The following COL15A1 variants were observed in gnomAD, a reference collection of about 807,000 sequenced individuals.
The protein encoded by COL15A1 is collagen type XV alpha 1 chain.
A neutral mutation model predicts 165.9 loss-of-function variants in COL15A1; 111 were observed. The observed-to-expected ratio is 0.67, with a 90% confidence interval of 0.57 to 0.78. The LOEUF (loss-of-function observed/expected upper bound fraction) is 0.78. Among genes scored for constraint, COL15A1 ranks in the 30% least tolerant of loss-of-function variants. The pLI is 0.00. For synonymous variants in COL15A1, 659 were observed against 674.8 expected (o/e 0.98, Z 0.36); for missense variants, 1,745 against 1,789.7 (o/e 0.98, Z 0.45).
intron 9 of COL15A1, among the ~76,000 whole-genome samples, chr9:99,011,423 A>AAAACAAC (rs548063268): frequency 7.4e-6 from 1 of 135,136 alleles, no homozygotes; most frequent in Non-Finnish European, 1.6e-5. Flanking sequence ...AAAAAAAAAA[A>AAAACAAC]AGTCATTTTA....
At chr9:98,958,896 G>A (rs900750177) in intron 2 of COL15A1, among the ~76,000 whole-genome samples, 5 of 151,986 alleles carry the variant, frequency 3.3e-5, no homozygotes, top group South Asian at 2.1e-4. Flanking sequence ...GGCTCATCAC[G>A]GAGATAGGGT....
chr9:99,032,329 A>G (rs1278742913), intron 16 of COL15A1, among the ~76,000 whole-genome samples: 1 of 152,012 alleles, frequency 6.6e-6, no homozygotes, highest in East Asian at 1.9e-4. Flanking sequence ...AGCTGGGATT[A>G]CAGATGCACA....
At chr9:99,022,315 C>T (rs1310074401) in intron 13 of COL15A1, among the ~76,000 whole-genome samples, 165 bp downstream of exon 13, 1 of 152,224 alleles carries the variant, frequency 6.6e-6, no homozygotes, top group Non-Finnish European at 1.5e-5. Context: ...AGCAGCAGAA[C>T]TGATTTCTAT....
In COL15A1 at chr9:98,989,389, TG is replaced by T. The variant is rs566092154; in HGVS notation, c.804+138del. 32 of 720,156 alleles carry T rather than the reference TG, an allele frequency of 4.4e-5. 1 individual carries two copies. The highest frequency in any genetic ancestry group is 3.4e-4 in the Middle Eastern group (1 of 2,944). 44.6% of individuals were successfully genotyped at this position (720,156 alleles called of 1,614,324 possible). A position where few individuals can be genotyped will look rare whatever the true frequency, so the allele number is the denominator to read the frequency against. ...CTGTGAGCTTAATCGTTGACTCATC[TG>T]GGGGGGTCAGGAAAATAATGGCCAA... is the stretch of plus-strand genomic sequence containing the variant. On this transcript the variant is annotated intron_variant, in intron 5 of 41. Transcript: ENST00000375001.
At chr9:98,949,334 C>T (rs752855154) in intron 2 of COL15A1, among the ~76,000 whole-genome samples, 4 of 152,206 alleles carry the variant, frequency 2.6e-5, no homozygotes, top group African/African-American at 4.8e-5. Context: ...GTAATAGTGT[C>T]GCTCTGAACA....
At chr9:98,986,186 T>C in intron 3 of COL15A1, 74 bp downstream of exon 3, 1 of 1,089,160 alleles carries the variant, frequency 9.2e-7, no homozygotes, top group African/African-American at 1.6e-5. Context: ...ATGGAGCAAC[T>C]ATTATTGTTA....
Position 99,031,404 on chromosome 9 carries a change from C to T in COL15A1, c.2044-3145C>T, listed in dbSNP as rs538528659. On this transcript the variant is annotated intron_variant, in intron 16 of 41. Transcript: ENST00000375001. ...TCCAGCATCAGGTGGAAACCCTCAC[C>T]TAGCAAACCCATGAACCTCACCCAT... is the stretch of plus-strand genomic sequence containing the variant. Among the ~76,000 whole-genome samples, 5 of 152,318 alleles carry T rather than the reference C, an allele frequency of 3.3e-5. No homozygotes were observed. In the South Asian group the frequency reaches 1.0e-3, roughly 32 times the overall value.
intron 2 of COL15A1, among the ~76,000 whole-genome samples, chr9:98,952,780 T>G (rs139348807): frequency 6.6e-6 from 1 of 152,376 alleles, no homozygotes; most frequent in East Asian, 1.9e-4. Flanking sequence ...GCCTCATCAC[T>G]GTACTGCCCA....
At chr9:99,034,427 G>C in intron 16 of COL15A1, 122 bp from the exon 17 acceptor site, 1 of 1,429,190 alleles carries the variant, frequency 7.0e-7, no homozygotes, top group South Asian at 1.6e-5. Context: ...ACCAATCTGA[G>C]ACAGAAAGAG....
intron 2 of COL15A1, among the ~76,000 whole-genome samples, chr9:98,955,398 T>C (rs1837759494): frequency 1.3e-5 from 2 of 152,260 alleles, no homozygotes. Flanking sequence ...GGAAGCCGTT[T>C]TTATTTATCC....
intron 2 of COL15A1, among the ~76,000 whole-genome samples, chr9:98,950,307 T>G (rs1837658559): frequency 6.6e-6 from 1 of 152,196 alleles, no homozygotes; most frequent in Non-Finnish European, 1.5e-5. Context: ...CCACCAGCAA[T>G]GTATGAGGGC....
At chr9:98,973,163 C>T (rs527593664) in intron 2 of COL15A1, among the ~76,000 whole-genome samples, 33 of 152,276 alleles carry the variant, frequency 2.2e-4, no homozygotes, top group Non-Finnish European at 3.7e-4. Flanking sequence ...ACCCCAGCTC[C>T]AGGCTTCCTC....
intron 4 of COL15A1, among the ~76,000 whole-genome samples, chr9:98,988,546 G>A (rs965690099): frequency 1.3e-5 from 2 of 152,178 alleles, no homozygotes; most frequent in African/African-American, 4.8e-5. Context: ...GTGGGGACCT[G>A]GATCGAATGA....
chr9:99,012,894 A>T (rs572089585), intron 9 of COL15A1, among the ~76,000 whole-genome samples: 3 of 151,764 alleles, frequency 2.0e-5, no homozygotes, highest in African/African-American at 7.2e-5. Context: ...TTGTATTTTT[A>T]GTAGAGACAG....
intron 27 of COL15A1, 49 bp from the exon 28 acceptor site, chr9:99,047,892 G>C (rs1470540361): frequency 2.2e-5 from 35 of 1,610,600 alleles, no homozygotes; most frequent in Non-Finnish European, 2.9e-5. Context: ...CGTGGGCCAG[G>C]CTGGTCTGTG....
At chr9:98,978,687 CAAG>C (rs950019426) in intron 2 of COL15A1, among the ~76,000 whole-genome samples, 31 of 152,064 alleles carry the variant, frequency 2.0e-4, no homozygotes, top group African/African-American at 7.0e-4. Context: ...TGAGGAAAAG[CAAG>C]AAGAATAGGT....
At chr9:99,069,362 T>C (rs936139551) in intron 41 of COL15A1, among the ~76,000 whole-genome samples, 7 of 152,230 alleles carry the variant, frequency 4.6e-5, no homozygotes, top group Non-Finnish European at 1.5e-5. Flanking sequence ...AAGTTGTTTA[T>C]TGGCCTTTGA....
At chr9:98,992,281 C>T (rs774873784) in intron 5 of COL15A1, among the ~76,000 whole-genome samples, 5 of 152,250 alleles carry the variant, frequency 3.3e-5, no homozygotes, top group South Asian at 2.1e-4. Context: ...AGTGAGAATT[C>T]GAGAGCAGTG....
At chr9:98,973,212 G>C (rs1411272948) in intron 2 of COL15A1, among the ~76,000 whole-genome samples, 1 of 152,094 alleles carries the variant, frequency 6.6e-6, no homozygotes. Context: ...GCTCGAGAAA[G>C]CAAGAACGAG....
Sources: allele counts gnomAD v4.1 joint callset (sites outside exome capture counted in the v4.1 genomes callset), GRCh38; gene constraint gnomAD v4.1.1; transcripts MANE v1.5; gene names NCBI Gene and HGNC (gene_info 2026-07-23, HGNC 2026-07-21).